NR2F2: variants seen among roughly 807,000 people sequenced by gnomAD.
NR2F2 encodes the protein nuclear receptor subfamily 2 group F member 2, also known as COUP transcription factor 2.
Under a neutral mutation model 34.8 loss-of-function variants are expected in NR2F2, and 2 were observed. That is an observed-to-expected ratio of 0.06 (90% CI 0.02 to 0.18). The LOEUF (loss-of-function observed/expected upper bound fraction) is 0.18, where lower values mean the gene tolerates loss of function less well. Ranked by LOEUF, NR2F2 falls within the 10% of genes least tolerant of loss-of-function variation. The pLI is 1.00. For synonymous variants in NR2F2, 274 were observed against 251.8 expected (o/e 1.09, Z -0.84); for missense variants, 300 against 580.1 (o/e 0.52, Z 4.96).
In NR2F2 at chr15:96,332,182, C is replaced by A. The variant is rs1352292762; in HGVS notation, c.77C>A (p.Ala26Glu). The A allele has an allele frequency of 2.3e-6, 3 of 1,329,952 alleles. No individual in the cohort carries two copies. Among genetic ancestry groups the A allele is most frequent in the Non-Finnish European group, 1.9e-6 (2 of 1,042,812 alleles). The allele number at this position is 1,329,952 out of a possible 1,614,324, so 82.4% of individuals were successfully genotyped here. A position where few individuals can be genotyped will look rare whatever the true frequency, so the allele number is the denominator to read the frequency against. Residue 26 changes from alanine (A) to glutamate (E), a missense_variant, in exon 1 of 3, where the codon GCG becomes GAG. Around this residue, in one of 6 missense-constraint regions of NR2F2, gnomAD observed 105 missense variants for 107.8 expected, o/e 0.97. Transcript: ENST00000394166. ...PGSQGSQASQAPPVPGPPPGA... is the reference protein window; with the variant it reads ...PGSQGSQASQEPPVPGPPPGA... ...TCACAGGGCAGCCAGGCCTCGCAGGCGCCGCCCGTGCCCGGCCCGCCGCCC... is the reference window on the plus strand; with the variant it reads ...TCACAGGGCAGCCAGGCCTCGCAGGAGCCGCCCGTGCCCGGCCCGCCGCCC...
In NR2F2 at chr15:96,330,842, TCTC is replaced by T. The variant is rs955177766; in HGVS notation, c.-1254_-1252del. The T allele has an allele frequency of 9.3e-5, 107 of 1,154,062 alleles. No individual in the cohort carries two copies. In the Middle Eastern group the frequency reaches 1.1e-3, roughly 12 times the overall value. The allele number at this position is 1,154,062 out of a possible 1,614,324, so 71.5% of individuals were successfully genotyped here. A position where few individuals can be genotyped will look rare whatever the true frequency, so the allele number is the denominator to read the frequency against. On this transcript the variant is annotated 5_prime_UTR_variant, in exon 1 of 3. Transcript: ENST00000394166. The stretch of plus-strand genomic sequence containing the variant: ...CGTGCGCGCGTGTGTGTTTTCTTCT[TCTC>T]CTCCTCCTCTCCCCGAGTTGCCTCC...
intron 2 of NR2F2, among the ~76,000 whole-genome samples, chr15:96,336,513 C>T (rs1899331768): frequency 6.6e-6 from 1 of 152,062 alleles, no homozygotes; most frequent in African/African-American, 2.4e-5. Context: ...TATGGGGAGC[C>T]CTGAAAGGTC....
rs1245438325 is a variant in NR2F2 at position 96,331,302 on chromosome 15, A to G, written c.-804A>G. On this transcript the variant is annotated 5_prime_UTR_variant, in exon 1 of 3. Transcript: ENST00000394166. ...GGGCAGGCGGCGGCGGCGGCGGCCC[A>G]GCGCCAGGACGACGCCGCGCAGCGC... 2.7e-6 allele frequency: 3 copies of G among 1,116,522 alleles called. No individual in the cohort carries two copies. Among genetic ancestry groups the G allele is most frequent in the Non-Finnish European group, 3.3e-6 (3 of 915,102 alleles). 69.2% of individuals were successfully genotyped at this position (1,116,522 alleles called of 1,614,324 possible).
Position 96,331,405 on chromosome 15 carries a change from C to A in NR2F2, c.-701C>A. The A allele has an allele frequency of 8.1e-7, 1 of 1,229,544 alleles. No homozygotes were observed. Among genetic ancestry groups the A allele is most frequent in the Non-Finnish European group, 1.0e-6 (1 of 986,770 alleles). The allele number at this position is 1,229,544 out of a possible 1,614,324, so 76.2% of individuals were successfully genotyped here. A position where few individuals can be genotyped will look rare whatever the true frequency, so the allele number is the denominator to read the frequency against. ...CCACTCCGCGGGCCGCCGGCCTCCGCCCCGGCCTGCCTGGCTCCCTGGGCG... is the reference window on the plus strand; with the variant it reads ...CCACTCCGCGGGCCGCCGGCCTCCGACCCGGCCTGCCTGGCTCCCTGGGCG... On this transcript the variant is annotated 5_prime_UTR_variant, in exon 1 of 3. Coordinates refer to ENST00000394166, the MANE Select transcript of NR2F2 (RefSeq NM_021005.4).
upstream of NR2F2, chr15:96,326,437 G>A: frequency 1.7e-6 from 2 of 1,211,272 alleles, no homozygotes; most frequent in East Asian, 4.7e-5. This position sits in a 1 kb window ranked among gnomAD's most constrained non-coding sequence, Gnocchi z 5.5. Context: ...GATGACTTGG[G>A]GCTTTTCAAA....
At chr15:96,327,641 AAAAC>A (rs1395047543), upstream of NR2F2, among the ~76,000 whole-genome samples, 1 of 152,240 alleles carries the variant, frequency 6.6e-6, no homozygotes, top group Non-Finnish European at 1.5e-5. Flanking sequence ...GTGGAAGAGA[AAAAC>A]ACACACGGAC....
At chr15:96,327,527 T>A (rs1388897592), upstream of NR2F2, among the ~76,000 whole-genome samples, 1 of 152,190 alleles carries the variant, frequency 6.6e-6, no homozygotes, top group Admixed American at 6.5e-5. Context: ...CAGCCCCTGG[T>A]GATTTTCAAA....
chr15:96,336,700 GA>G (rs1428777057), intron 2 of NR2F2, among the ~76,000 whole-genome samples: 3 of 151,796 alleles, frequency 2.0e-5, no homozygotes, highest in Non-Finnish European at 4.4e-5. Context: ...GGAGAGAGAA[GA>G]AAAAGGGGGA....
At position 96,330,944 on chromosome 15, in the gene NR2F2, C is replaced by A; in HGVS notation, c.-1162C>A. 1 of 1,146,716 alleles carries A rather than the reference C, an allele frequency of 8.7e-7. No individual in the cohort carries two copies. The highest frequency in any genetic ancestry group is 1.1e-6 in the Non-Finnish European group (1 of 931,718). 71.0% of individuals were successfully genotyped at this position (1,146,716 alleles called of 1,614,324 possible). A position where few individuals can be genotyped will look rare whatever the true frequency, so the allele number is the denominator to read the frequency against. ...TCCGTCTTTTTCTCCCCCCTCTGCG[C>A]ACGAAGGATGTGCTTCTAGGTGGTG... is the stretch of plus-strand genomic sequence containing the variant. On this transcript the variant is annotated 5_prime_UTR_variant, in exon 1 of 3. Transcript: ENST00000394166.
intron 1 of NR2F2, 97 bp from the exon 2 acceptor site, chr15:96,333,979 T>TG: frequency 6.5e-7 from 1 of 1,536,838 alleles, no homozygotes; most frequent in Non-Finnish European, 8.7e-7. Flanking sequence ...GCTCAGGGCC[T>TG]GGGTCAGGTG....
Position 96,332,257 on chromosome 15 carries a change from C to G in NR2F2, c.152C>G (p.Thr51Arg). The change falls in exon 1 of 3, where the codon ACG becomes AGG. Residue 51 changes from threonine to arginine, a missense_variant. By Grantham distance (71) the Thr-to-Arg change is moderately conservative. Transcript: ENST00000394166. ...QTPGQGGPASTPAQTAAGGQG... is the reference protein window; with the variant it reads ...QTPGQGGPASRPAQTAAGGQG... Reference sequence around the variant, plus strand: ...CCCGGCCAAGGGGGCCCAGCCAGCACGCCAGCCCAGACGGCGGCCGGTGGC... The same window carrying G: ...CCCGGCCAAGGGGGCCCAGCCAGCAGGCCAGCCCAGACGGCGGCCGGTGGC... 6.5e-7 allele frequency: 1 copy of G among 1,544,640 alleles called. No individual in the cohort carries two copies. Among genetic ancestry groups the G allele is most frequent in the Non-Finnish European group, 8.7e-7 (1 of 1,146,210 alleles).
At chr15:96,335,311 G>A (rs1053114872) in intron 2 of NR2F2, among the ~76,000 whole-genome samples, 6 of 152,208 alleles carry the variant, frequency 3.9e-5, no homozygotes, top group Non-Finnish European at 8.8e-5. Context: ...TGCCAACTTG[G>A]GCTGGATATG....
chr15:96,332,657 T>A, intron 1 of NR2F2, 110 bp downstream of exon 1: 3 of 1,476,204 alleles, frequency 2.0e-6, no homozygotes, highest in South Asian at 2.8e-5. Flanking sequence ...TCTCTTCGTA[T>A]TGCAGCGGAA....
rs1899368708 is a variant in NR2F2, at chr15:96,337,502, C to G, written c.1125C>G (p.Ser375=). ...TCCCTTCCCTCCGCACCGTCTCCTC[C>G]TCAGTCATAGAGCAATTGTTTTTCG... ...LRLPSLRTVS[S]SVIEQLFFVR... is the part of the protein sequence containing the mutation. Residue 375 remains serine, a synonymous_variant, in exon 3 of 3, where the codon TCC becomes TCG. Transcript: ENST00000394166. 6.2e-7 allele frequency: 1 copy of G among 1,613,996 alleles called. No homozygotes were observed. The highest frequency in any genetic ancestry group is 1.1e-5 in the South Asian group (1 of 91,086).
chr15:96,333,318 T>C, intron 1 of NR2F2: 1 of 1,001,210 alleles, frequency 1.0e-6, no homozygotes, highest in Non-Finnish European at 1.2e-6. Context: ...TTTCTTTGTG[T>C]TTCTGCGAGA....
chr15:96,327,071 C>T (rs1010780728), upstream of NR2F2: 7 of 151,574 alleles, frequency 4.6e-5, no homozygotes, highest in Non-Finnish European at 8.8e-5. Flanking sequence ...CTGTCCAGAA[C>T]ATTCAAGGAG....
At chr15:96,333,966 G>A (rs1056778519) in intron 1 of NR2F2, 110 bp from the exon 2 acceptor site, 3 of 1,519,278 alleles carry the variant, frequency 2.0e-6, no homozygotes, top group Non-Finnish European at 2.6e-6. Context: ...TGGTTCTTGC[G>A]CTGCTCAGGG....
intron 2 of NR2F2, 94 bp from the exon 3 acceptor site, chr15:96,337,254 A>G (rs1899354132): frequency 7.5e-6 from 11 of 1,476,188 alleles, no homozygotes; most frequent in Non-Finnish European, 1.0e-5. Flanking sequence ...ATGTGACCCA[A>G]TTCAAACCTC....
chr15:96,333,440 G>GC (rs1421209294), intron 1 of NR2F2: 8 of 1,002,746 alleles, frequency 8.0e-6, no homozygotes, highest in African/African-American at 3.5e-5. Context: ...CCTGCTCCCT[G>GC]CCTCTCCCGG....
Sources: allele counts gnomAD v4.1 joint callset (sites outside exome capture counted in the v4.1 genomes callset), GRCh38; gene constraint gnomAD v4.1.1; regional missense constraint gnomAD v4.1.1; non-coding constraint Gnocchi (gnomAD v3.1); transcripts MANE v1.5; gene names NCBI Gene and HGNC (gene_info 2026-07-23, HGNC 2026-07-21).